The following TMEM132B variants were observed in gnomAD, a reference collection of about 807,000 sequenced individuals.
The protein encoded by TMEM132B is transmembrane protein 132B.
TMEM132B carries 18 observed loss-of-function variants against 90.8 expected under a neutral mutation model. That is an observed-to-expected ratio of 0.20 (90% confidence interval 0.14 to 0.29). The LOEUF is 0.29. Ranked by LOEUF, TMEM132B falls within the 10% of genes least tolerant of loss-of-function variation. The pLI, the probability that TMEM132B is intolerant of heterozygous loss-of-function variation, is 1.00. For missense variants in TMEM132B, 1,096 were observed against 1,326.8 expected (o/e 0.83, Z 2.70); for synonymous variants, 504 against 523.3 (o/e 0.96, Z 0.50).
chr12:125,407,909 A>G lies in TMEM132B; in HGVS notation c.960-7622A>G, dbSNP rs1321873602. Among the ~76,000 whole-genome samples the G allele has an allele frequency of 6.6e-6, 1 of 152,222 alleles. No homozygotes were observed. The highest frequency in any genetic ancestry group is 1.5e-5 in the Non-Finnish European group (1 of 68,042). On this transcript the variant is annotated intron_variant, in intron 2 of 8. Coordinates refer to ENST00000682704, the MANE Select transcript of TMEM132B (RefSeq NM_001366854.1). This position sits in a 1 kb window ranked among gnomAD's most constrained non-coding sequence, Gnocchi z 6.7. ...AACTTCATATTGAACTGTAACCTAC[A>G]TGCAGAAGAGTCCACATAAGCGAGC... is the stretch of plus-strand genomic sequence containing the variant.
At position 125,323,762 on chromosome 12, in the gene TMEM132B, G is replaced by T. The variant is rs184600471; in HGVS notation, c.68-25690G>T. On this transcript the variant is annotated intron_variant, in intron 1 of 8. Transcript: ENST00000682704. The stretch of plus-strand genomic sequence containing the variant: ...TCCAACTCCTGACCTCAGGTGGTCC[G>T]CCTGCCTTGGCCTTCCAAAGTGCTA... Among the ~76,000 whole-genome samples, 18 of 152,272 alleles carry T rather than the reference G, an allele frequency of 1.2e-4. No homozygotes were observed. The South Asian group carries it at 3.7e-3, about 32-fold the overall frequency.
At chr12:125,569,899 C>T (rs1453586652) in intron 4 of TMEM132B, among the ~76,000 whole-genome samples, 1 of 152,068 alleles carries the variant, frequency 6.6e-6, no homozygotes, top group African/African-American at 2.4e-5. Context: ...AGAAAGGGCT[C>T]ATTGGTTCAG....
chr12:125,646,011 A>G (rs1886756357), intron 6 of TMEM132B, among the ~76,000 whole-genome samples: 2 of 152,248 alleles, frequency 1.3e-5, no homozygotes, highest in Admixed American at 1.3e-4. Flanking sequence ...TGCATGATGC[A>G]TGAGGATCAT....
At chr12:125,539,423 T>A (rs1883897760) in intron 4 of TMEM132B, among the ~76,000 whole-genome samples, 1 of 152,224 alleles carries the variant, frequency 6.6e-6, no homozygotes, top group African/African-American at 2.4e-5. Context: ...TTCCCCTCGA[T>A]GAGGTAATGG....
At chr12:125,353,590 C>G (rs1229099553) in intron 2 of TMEM132B, among the ~76,000 whole-genome samples, 1 of 152,214 alleles carries the variant, frequency 6.6e-6, no homozygotes, top group African/African-American at 2.4e-5. Flanking sequence ...CAACAGACAA[C>G]TGAAAGAGGC....
intron 1 of TMEM132B, among the ~76,000 whole-genome samples, chr12:125,191,604 C>T (rs576521745): frequency 2.6e-5 from 4 of 152,290 alleles, no homozygotes; most frequent in South Asian, 4.1e-4. Context: ...TAGCCTTTGC[C>T]GAGTCTTTCA....
chr12:125,594,999 T>C (rs1451325962), intron 5 of TMEM132B, among the ~76,000 whole-genome samples: 2 of 152,124 alleles, frequency 1.3e-5, no homozygotes, highest in Non-Finnish European at 2.9e-5. Flanking sequence ...GCCATTCCCA[T>C]GGACAAACAA....
chr12:125,636,924 A>G (rs1437480776), intron 5 of TMEM132B, among the ~76,000 whole-genome samples: 2 of 152,136 alleles, frequency 1.3e-5, no homozygotes, highest in Admixed American at 6.6e-5. Context: ...ACAATAGTCC[A>G]CATTTGTTCT....
chr12:125,286,549 C>G (rs1056261864), intron 1 of TMEM132B, among the ~76,000 whole-genome samples: 4 of 151,928 alleles, frequency 2.6e-5, no homozygotes, highest in Non-Finnish European at 5.9e-5. Flanking sequence ...TTTTATATCA[C>G]TATAATAAGT....
chr12:125,575,078 A>ATATATATATATATATATATATAT (rs1311570495), intron 4 of TMEM132B, among the ~76,000 whole-genome samples: 1 of 108,966 alleles, frequency 9.2e-6, no homozygotes, highest in African/African-American at 3.4e-5. Context: ...ATATATATAT[A>ATATATATATATATATATATATAT]TATATTCAGG....
chr12:125,463,643 C>T (rs1020719711), intron 3 of TMEM132B, among the ~76,000 whole-genome samples: 1 of 152,128 alleles, frequency 6.6e-6, no homozygotes, highest in African/African-American at 2.4e-5. Context: ...ACAGCAAGCT[C>T]TGGGTCATGA....
At chr12:125,590,734 T>A (rs1294743462) in intron 5 of TMEM132B, among the ~76,000 whole-genome samples, 1 of 152,216 alleles carries the variant, frequency 6.6e-6, no homozygotes, top group East Asian at 1.9e-4. Context: ...AGGTAACATT[T>A]ATTGAGCATT....
chr12:125,608,171 T>C (rs1885741297), intron 5 of TMEM132B, among the ~76,000 whole-genome samples: 1 of 152,208 alleles, frequency 6.6e-6, no homozygotes, highest in Admixed American at 6.5e-5. Flanking sequence ...TGTTGAACTC[T>C]TTTCCACAGT....
At chr12:125,601,149 A>G (rs534284674) in intron 5 of TMEM132B, among the ~76,000 whole-genome samples, 1 of 152,328 alleles carries the variant, frequency 6.6e-6, no homozygotes, top group African/African-American at 2.4e-5. Flanking sequence ...TCCACCCCAA[A>G]TCAACAGAAT....
intron 1 of TMEM132B, among the ~76,000 whole-genome samples, chr12:125,234,776 A>G (rs886408965): frequency 6.6e-6 from 1 of 152,194 alleles, no homozygotes; most frequent in South Asian, 2.1e-4. Context: ...TAACACCTCC[A>G]GATGGACTTC....
At chr12:125,283,126 A>G (rs142951683) in intron 1 of TMEM132B, among the ~76,000 whole-genome samples, 63 of 152,286 alleles carry the variant, frequency 4.1e-4, no homozygotes, top group African/African-American at 1.3e-3. Context: ...TAGCTTTAAC[A>G]TGAGCCCCCT....
At chr12:125,218,769 G>GTTTTTTTTTT (rs34905706) in intron 1 of TMEM132B, among the ~76,000 whole-genome samples, 2 of 108,852 alleles carry the variant, frequency 1.8e-5, no homozygotes, top group Admixed American at 1.2e-4. Flanking sequence ...TGTTGAAGCT[G>GTTTTTTTTTT]TTTTTTTTTT....
chr12:125,335,106 C>A (rs1876916117), intron 1 of TMEM132B, among the ~76,000 whole-genome samples: 1 of 152,196 alleles, frequency 6.6e-6, no homozygotes, highest in African/African-American at 2.4e-5. Flanking sequence ...GTGTTTTGAA[C>A]ACAGTATGTC....
chr12:125,584,166 A>C (rs1446210771), intron 5 of TMEM132B, 172 bp downstream of exon 5: 2 of 865,240 alleles, frequency 2.3e-6, no homozygotes, highest in Non-Finnish European at 3.7e-6. Flanking sequence ...TGGAATCAGC[A>C]GGCGGCTGCA....
Sources: gnomAD v4.1 joint callset for allele counts (sites outside exome capture counted in the v4.1 genomes callset) on GRCh38, gnomAD v4.1.1 for gene constraint, Gnocchi (gnomAD v3.1) non-coding constraint, MANE v1.5 for transcripts, NCBI Gene and HGNC (gene_info 2026-07-23, HGNC 2026-07-21) for gene names.